Variants in DIRAS1 observed in about 807,000 individuals in gnomAD.
The protein encoded by DIRAS1 is DIRAS family GTPase 1, also known as GTP-binding protein Di-Ras1.
Under a neutral mutation model 11.5 loss-of-function variants are expected in DIRAS1, and 3 were observed. That is an observed-to-expected ratio of 0.26 (90% confidence interval 0.12 to 0.67). DIRAS1 has a LOEUF of 0.67. Ranked by LOEUF, DIRAS1 falls within the 30% of genes least tolerant of loss-of-function variation. DIRAS1 has a pLI of 0.80. For synonymous variants in DIRAS1, 128 were observed against 125.8 expected (o/e 1.02, Z -0.12); for missense variants, 212 against 285.3 (o/e 0.74, Z 1.85).
rs1014209047 is a variant in DIRAS1 at position 2,718,766 on chromosome 19, C to T, written c.-69-891G>A. ...TCTTGAACTCCTGACCTCAGGTGAT[C>T]CACCCACCTCGGCCTCCCAAAGTGC... On this transcript the variant is annotated intron_variant, in intron 1 of 1. Coordinates refer to ENST00000323469, the MANE Select transcript of DIRAS1 (RefSeq NM_145173.4). This position sits in a 1 kb window ranked among gnomAD's most constrained non-coding sequence, Gnocchi z 4.2. Among the ~76,000 whole-genome samples, 25 of 152,124 alleles carry T rather than the reference C, an allele frequency of 1.6e-4. No individual in the cohort carries two copies. The highest frequency in any genetic ancestry group is 6.0e-4 in the African/African-American group (25 of 41,512).
In DIRAS1 at chr19:2,718,452, C is replaced by T. The variant is rs569414522; in HGVS notation, c.-69-577G>A. ...GTGTTTAAGATGCATATGTCAGGGC[C>T]GCAGCCCTAGGTGTGATGAATCGGT... On this transcript the variant is annotated intron_variant, in intron 1 of 1. Transcript: ENST00000323469. This position sits in a 1 kb window ranked among gnomAD's most constrained non-coding sequence, Gnocchi z 4.2. Among the ~76,000 whole-genome samples, 609 of 152,312 alleles carry T rather than the reference C, an allele frequency of 4.0e-3. 2 individuals are homozygous for T. The highest frequency in any genetic ancestry group is 7.9e-3 in the Admixed American group (121 of 15,288).
intron 1 of DIRAS1, among the ~76,000 whole-genome samples, chr19:2,719,542 T>C (rs1473446456): frequency 3.4e-5 from 5 of 145,574 alleles, no homozygotes; most frequent in Non-Finnish European, 6.0e-5. Context: ...CCAGAATTGA[T>C]GTCCTCCCCT....
chr19:2,715,510 A>G lies in DIRAS1; in HGVS notation c.*1700T>C, dbSNP rs577314011. 1 of 152,314 alleles carries G rather than the reference A, an allele frequency of 6.6e-6. No homozygotes were observed. Among genetic ancestry groups the G allele is most frequent in the African/African-American group, 2.4e-5 (1 of 41,576 alleles). The allele number at this position is 152,314 out of a possible 1,614,324, so 9.4% of individuals were successfully genotyped here. ...TGCAACAACCACATGAGCTTCTAAG[A>G]AGCAAATCCTTCCCCGATCAGGCCT... is the stretch of plus-strand genomic sequence containing the variant. On this transcript the variant is annotated 3_prime_UTR_variant, in exon 2 of 2. Coordinates refer to ENST00000323469, the MANE Select transcript of DIRAS1 (RefSeq NM_145173.4).
chr19:2,719,129 T>A (rs966975965), intron 1 of DIRAS1: 2 of 152,136 alleles, frequency 1.3e-5, no homozygotes, highest in Non-Finnish European at 1.5e-5. Context: ...CTGGAACTTG[T>A]ATTACAGGGC....
rs988640883 is a variant in DIRAS1, at chr19:2,716,256, G to A, written c.*954C>T. 2 of 152,360 alleles carry A rather than the reference G, an allele frequency of 1.3e-5. No individual in the cohort carries two copies. Among genetic ancestry groups the A allele is most frequent in the African/African-American group, 2.4e-5 (1 of 41,456 alleles). The allele number at this position is 152,360 out of a possible 1,614,324, so 9.4% of individuals were successfully genotyped here. A position where few individuals can be genotyped will look rare whatever the true frequency, so the allele number is the denominator to read the frequency against. Reference sequence around the variant, plus strand: ...TGCTCTCTGGGGCACAGGTGGTGGGGAGGAAGTGGGTGGGGCAGACCTCTG... The same window carrying A: ...TGCTCTCTGGGGCACAGGTGGTGGGAAGGAAGTGGGTGGGGCAGACCTCTG... On this transcript the variant is annotated 3_prime_UTR_variant, in exon 2 of 2. Coordinates refer to ENST00000323469, the MANE Select transcript of DIRAS1 (RefSeq NM_145173.4).
rs1252451817 is a variant in DIRAS1, at chr19:2,715,884, G to C, written c.*1326C>G. The C allele has an allele frequency of 6.6e-6, 1 of 152,108 alleles. No individual in the cohort carries two copies. The highest frequency in any genetic ancestry group is 6.6e-5 in the Admixed American group (1 of 15,258). 9.4% of individuals were successfully genotyped at this position (152,108 alleles called of 1,614,324 possible). ...TCATACAGGCACAAAGATTCACACA[G>C]ACACCTCACACATATCCAGTCTTGC... On this transcript the variant is annotated 3_prime_UTR_variant, in exon 2 of 2. Coordinates refer to ENST00000323469, the MANE Select transcript of DIRAS1 (RefSeq NM_145173.4).
chr19:2,717,703 G>T lies in DIRAS1; in HGVS notation c.104C>A (p.Thr35Asn). ...LRFVKGTFRD[T>N]YIPTIEDTYR... is the part of the protein sequence containing the mutation. ...GGTGTCCTCGATGGTGGGGATGTAG[G>T]TGTCGCGGAACGTGCCCTTCACGAA... is the stretch of plus-strand genomic sequence containing the variant. Residue 35 changes from threonine to asparagine, a missense_variant, in exon 2 of 2, where the codon ACC becomes AAC. Thr to Asn is a moderately conservative substitution (Grantham distance 65). Transcript: ENST00000323469. The T allele has an allele frequency of 6.2e-7, 1 of 1,610,730 alleles. No individual in the cohort carries two copies.
chr19:2,721,365 G>A lies in DIRAS1; in HGVS notation c.-131C>T, dbSNP rs1217530916. On this transcript the variant is annotated 5_prime_UTR_variant, in exon 1 of 2. Coordinates refer to ENST00000323469, the MANE Select transcript of DIRAS1 (RefSeq NM_145173.4). ...CTCCTGCCCGCTCCGGTGTCCGCTG[G>A]CGCCGCCGCCCCCCGCCCGCCCGAG... 2.7e-5 allele frequency: 4 copies of A among 146,468 alleles called. No homozygotes were observed. The highest frequency in any genetic ancestry group is 1.5e-5 in the Non-Finnish European group (1 of 65,698). The allele number at this position is 146,468 out of a possible 1,614,324, so 9.1% of individuals were successfully genotyped here. A position where few individuals can be genotyped will look rare whatever the true frequency, so the allele number is the denominator to read the frequency against.
At chr19:2,720,425 G>A (rs1331734504) in intron 1 of DIRAS1, among the ~76,000 whole-genome samples, 3 of 152,258 alleles carry the variant, frequency 2.0e-5, no homozygotes, top group Non-Finnish European at 2.9e-5. Context: ...CGCCTGGGGG[G>A]TGCGGGTGGA....
chr19:2,717,989 C>T (rs1599476792), intron 1 of DIRAS1, 114 bp from the exon 2 acceptor site: 2 of 644,656 alleles, frequency 3.1e-6, no homozygotes, highest in African/African-American at 1.8e-5. Context: ...GCTGCCGTGC[C>T]TCCTGCCTCC....
rs566935371 is a variant in DIRAS1, at chr19:2,718,173, C to T, written c.-69-298G>A. ...CGGGATGCCCACGAAACTCCTTCCC[C>T]GGGTGTGGGTGTCCCTTCCAGGCTG... On this transcript the variant is annotated intron_variant, in intron 1 of 1. Transcript: ENST00000323469. The surrounding 1 kb of genome is among the most constrained non-coding windows in gnomAD (Gnocchi z 4.2). Among the ~76,000 whole-genome samples, 18 of 152,210 alleles carry T rather than the reference C, an allele frequency of 1.2e-4. No individual in the cohort carries two copies. The highest frequency in any genetic ancestry group is 4.1e-4 in the African/African-American group (17 of 41,444).
chr19:2,717,363 C>G lies in DIRAS1; in HGVS notation c.444G>C (p.Glu148Asp). 1 of 1,609,874 alleles carries G rather than the reference C, an allele frequency of 6.2e-7. No homozygotes were observed. The highest frequency in any genetic ancestry group is 1.3e-5 in the African/African-American group (1 of 75,052). ...VAQEWKCAFM[E>D]TSAKMNYNVK... ...CGTTGTAGTTCATCTTGGCCGAGGT[C>G]TCCATGAAAGCGCACTTCCACTCCT... The change falls in exon 2 of 2, where the codon GAG becomes GAC. Residue 148 changes from glutamate (E) to aspartate (D), a missense_variant. Physicochemically the swap from Glu to Asp is conservative, Grantham distance 45. Around this residue, in one of 2 missense-constraint regions of DIRAS1, gnomAD observed 84 missense variants for 79.9 expected, o/e 1.05. Transcript: ENST00000323469.
In DIRAS1 at chr19:2,715,652, C is replaced by T. The variant is rs996710029; in HGVS notation, c.*1558G>A. On this transcript the variant is annotated 3_prime_UTR_variant, in exon 2 of 2. Coordinates refer to ENST00000323469, the MANE Select transcript of DIRAS1 (RefSeq NM_145173.4). ...CCCACAGAATCTATGAGATAATAAG[C>T]ATGTGTTGTTTCTGGTTGCTACATT... is the stretch of plus-strand genomic sequence containing the variant. 16 of 152,208 alleles carry T rather than the reference C, an allele frequency of 1.1e-4. No homozygotes were observed. Among genetic ancestry groups the T allele is most frequent in the African/African-American group, 3.9e-4 (16 of 41,446 alleles). The allele number at this position is 152,208 out of a possible 1,614,324, so 9.4% of individuals were successfully genotyped here.
In DIRAS1 at chr19:2,717,693, G is replaced by A. The variant is rs150467666; in HGVS notation, c.114C>T (p.Pro38=). The change falls in exon 2 of 2, where the codon CCC becomes CCT. Residue 38 remains proline, a synonymous_variant. Coordinates refer to ENST00000323469, the MANE Select transcript of DIRAS1 (RefSeq NM_145173.4). ...CCTGCCGGTAGGTGTCCTCGATGGT[G>A]GGGATGTAGGTGTCGCGGAACGTGC... is the stretch of plus-strand genomic sequence containing the variant. The part of the protein sequence containing the change: ...VKGTFRDTYI[P]TIEDTYRQVI... The A allele has an allele frequency of 7.3e-5, 117 of 1,611,680 alleles. No homozygotes were observed. The African/African-American group carries it at 1.6e-3, about 21-fold the overall frequency.
rs1393212919 is a variant in DIRAS1 at position 2,718,265 on chromosome 19, CT to C, written c.-69-391del. On this transcript the variant is annotated intron_variant, in intron 1 of 1. Transcript: ENST00000323469. The surrounding 1 kb of genome is among the most constrained non-coding windows in gnomAD (Gnocchi z 4.2). ...GGAAGCTAGCAGGCCTGGCTTCCACCTCTCGCTCCACACCTGCCTGGCTCTG... is the reference window on the plus strand; with the variant it reads ...GGAAGCTAGCAGGCCTGGCTTCCACCCTCGCTCCACACCTGCCTGGCTCTG... Among the ~76,000 whole-genome samples the C allele has an allele frequency of 1.3e-5, 2 of 151,356 alleles. No homozygotes were observed. The highest frequency in any genetic ancestry group is 3.9e-4 in the East Asian group (2 of 5,096).
Position 2,717,781 on chromosome 19 carries a change from C to A in DIRAS1, c.26G>T (p.Arg9Leu). 1 of 1,600,994 alleles carries A rather than the reference C, an allele frequency of 6.2e-7. No homozygotes were observed. Among genetic ancestry groups the A allele is most frequent in the African/African-American group, 1.3e-5 (1 of 75,060 alleles). The part of the protein sequence containing the change: MPEQSNDY[R>L]VVVFGAGGVG... ...GCCGCCCGCCCCGAACACCACCACGCGGTAATCGTTACTCTGTTCCGGCAT... is the reference window on the plus strand; with the variant it reads ...GCCGCCCGCCCCGAACACCACCACGAGGTAATCGTTACTCTGTTCCGGCAT... The change falls in exon 2 of 2, where the codon CGC (arginine) becomes CTC (leucine). Residue 9 changes from arginine (R) to leucine (L), a missense_variant. Coordinates refer to ENST00000323469, the MANE Select transcript of DIRAS1 (RefSeq NM_145173.4).
Position 2,717,687 on chromosome 19 carries a change from G to T in DIRAS1, c.120C>A (p.Ile40=). The T allele has an allele frequency of 6.2e-7, 1 of 1,611,926 alleles. No individual in the cohort carries two copies. Residue 40 remains isoleucine (I), a synonymous_variant, in exon 2 of 2, where the codon ATC becomes ATA. Transcript: ENST00000323469. ...TGATCACCTGCCGGTAGGTGTCCTC[G>T]ATGGTGGGGATGTAGGTGTCGCGGA... The part of the protein sequence containing the change: ...GTFRDTYIPT[I]EDTYRQVISC...
At chr19:2,719,673 G>A (rs1436688407) in intron 1 of DIRAS1, among the ~76,000 whole-genome samples, 1 of 151,960 alleles carries the variant, frequency 6.6e-6, no homozygotes, top group African/African-American at 2.4e-5. Flanking sequence ...ACTGGGGGTG[G>A]GGGTGTGTTT....
At position 2,714,732 on chromosome 19, in the gene DIRAS1, A is replaced by T. The variant is rs1012266570; in HGVS notation, c.*2478T>A. ...CCTGGCACAGTCCCCAGCACCAGGG[A>T]TGCCCAGGCAGGATGGGCCAGCAGC... On this transcript the variant is annotated 3_prime_UTR_variant, in exon 2 of 2. Coordinates refer to ENST00000323469, the MANE Select transcript of DIRAS1 (RefSeq NM_145173.4). 6.5e-6 allele frequency: 1 copy of T among 152,758 alleles called. No individual in the cohort carries two copies. 9.5% of individuals were successfully genotyped at this position (152,758 alleles called of 1,614,324 possible).
Sources: allele counts gnomAD v4.1 joint callset (sites outside exome capture counted in the v4.1 genomes callset), GRCh38; gene constraint gnomAD v4.1.1; regional missense constraint gnomAD v4.1.1; non-coding constraint Gnocchi (gnomAD v3.1); transcripts MANE v1.5; gene names NCBI Gene and HGNC (gene_info 2026-07-23, HGNC 2026-07-21).